Variants in COMMD1 observed in about 807,000 individuals in gnomAD.
The protein encoded by COMMD1 is COMM domain-containing protein 1.
Under a neutral mutation model 17.2 loss-of-function variants are expected in COMMD1, and 10 were observed. The observed-to-expected ratio is 0.58, with a 90% CI of 0.36 to 0.99. COMMD1 has a LOEUF of 0.99. Among genes scored for constraint, COMMD1 ranks in the 50% least tolerant of loss-of-function variants. COMMD1 has a pLI of 0.01. For synonymous variants in COMMD1, 97 were observed against 91.6 expected (o/e 1.06, Z -0.34); for missense variants, 270 against 231.8 (o/e 1.17, Z -1.07).
upstream of COMMD1, chr2:61,905,571 A>G (rs1669747628): frequency 1.7e-6 from 2 of 1,151,524 alleles, no homozygotes; most frequent in Non-Finnish European, 2.4e-6. Flanking sequence ...CCTTGCCTCC[A>G]GGTTCCCCGA....
intron 2 of COMMD1, chr2:62,069,869 G>A (rs924102825): frequency 6.6e-6 from 1 of 152,206 alleles, no homozygotes; most frequent in African/African-American, 2.4e-5. Context: ...TCTTGAGATT[G>A]AAAATCTTTC....
intron 2 of COMMD1, chr2:62,055,556 C>G: frequency 2.4e-6 from 1 of 424,694 alleles, no homozygotes. Context: ...ACCAAGCACC[C>G]TGCATTAAAA....
chr2:62,038,086 C>G (rs1319855717), intron 2 of COMMD1, among the ~76,000 whole-genome samples: 1 of 152,070 alleles, frequency 6.6e-6, no homozygotes, highest in Non-Finnish European at 1.5e-5. Context: ...GTTAGGAGTT[C>G]AAGACCAGCC....
At chr2:61,953,868 C>T (rs1671122696) in intron 1 of COMMD1, among the ~76,000 whole-genome samples, 1 of 151,914 alleles carries the variant, frequency 6.6e-6, no homozygotes, top group Non-Finnish European at 1.5e-5. Flanking sequence ...GTAGGTGTAT[C>T]ATTATAGTTT....
chr2:62,015,854 CAA>C (rs1313805336), intron 2 of COMMD1, among the ~76,000 whole-genome samples: 8 of 151,652 alleles, frequency 5.3e-5, no homozygotes, highest in Admixed American at 4.6e-4. Flanking sequence ...TTTTTTGAGA[CAA>C]GAGTCTTGCT....
chr2:62,000,270 A>ATTT (rs370727672), intron 1 of COMMD1, among the ~76,000 whole-genome samples: 2 of 127,328 alleles, frequency 1.6e-5, no homozygotes, highest in East Asian at 2.2e-4. Flanking sequence ...ATTTCAGTGA[A>ATTT]TTTTTTTTTT....
chr2:61,960,528 G>A (rs1297723929), intron 1 of COMMD1, among the ~76,000 whole-genome samples: 1 of 152,184 alleles, frequency 6.6e-6, no homozygotes, highest in Non-Finnish European at 1.5e-5. Flanking sequence ...ACTAATGTCA[G>A]AATTTTTAGC....
intron 2 of COMMD1, among the ~76,000 whole-genome samples, chr2:62,076,072 G>C (rs958683627): frequency 3.3e-5 from 5 of 152,218 alleles, no homozygotes; most frequent in African/African-American, 1.2e-4. Flanking sequence ...GGCTGCATTT[G>C]GGAGCTTTGC....
intron 1 of COMMD1, among the ~76,000 whole-genome samples, chr2:61,992,726 C>T (rs1672282974): frequency 6.6e-6 from 1 of 152,184 alleles, no homozygotes; most frequent in Non-Finnish European, 1.5e-5. Flanking sequence ...GTAGCCTCCA[C>T]CATTTCTCAG....
At chr2:61,896,924 G>A (rs889673608) in intron 1 of COMMD1, among the ~76,000 whole-genome samples, 1 of 150,794 alleles carries the variant, frequency 6.6e-6, no homozygotes, top group Non-Finnish European at 1.5e-5. Flanking sequence ...CCGCCTCCCA[G>A]GTTCAAGTGA....
At chr2:62,072,228 A>G (rs1671216573) in intron 2 of COMMD1, among the ~76,000 whole-genome samples, 1 of 152,106 alleles carries the variant, frequency 6.6e-6, no homozygotes, top group Admixed American at 6.6e-5. Flanking sequence ...CAACCTTCAA[A>G]CCAAAGACAA....
chr2:62,062,590 A>G (rs974849847), intron 2 of COMMD1, among the ~76,000 whole-genome samples: 5 of 152,160 alleles, frequency 3.3e-5, no homozygotes, highest in Admixed American at 2.6e-4. Context: ...TGCCTAATAA[A>G]TAACTTATTA....
intron 2 of COMMD1, among the ~76,000 whole-genome samples, chr2:62,047,941 G>A (rs1050837564): frequency 2.0e-5 from 3 of 152,102 alleles, no homozygotes; most frequent in African/African-American, 7.2e-5. Flanking sequence ...AGGAGCAATA[G>A]GCCATACCAT....
intron 2 of COMMD1, among the ~76,000 whole-genome samples, chr2:62,061,332 T>A (rs772292472): frequency 6.6e-6 from 1 of 152,148 alleles, no homozygotes; most frequent in African/African-American, 2.4e-5. Flanking sequence ...CTGAGAAATG[T>A]TGATTTTTTT....
chr2:62,078,135 C>T (rs1444717231), intron 2 of COMMD1, among the ~76,000 whole-genome samples: 6 of 139,538 alleles, frequency 4.3e-5, no homozygotes, highest in African/African-American at 1.6e-4. Flanking sequence ...ATTAGCTGGG[C>T]GTGGTGGCAG....
intron 1 of COMMD1, among the ~76,000 whole-genome samples, chr2:61,921,559 T>A (rs978785968): frequency 2.0e-5 from 3 of 152,214 alleles, no homozygotes; most frequent in Non-Finnish European, 4.4e-5. Context: ...TTCTCCTGCC[T>A]CAGCCTCCCG....
At chr2:62,090,897 A>G (rs1264281664) in intron 2 of COMMD1, 1 of 152,218 alleles carries the variant, frequency 6.6e-6, no homozygotes, top group Non-Finnish European at 1.5e-5. Flanking sequence ...AATAGTCCCA[A>G]TGCCTGCCAG....
intron 1 of COMMD1, among the ~76,000 whole-genome samples, chr2:61,929,524 A>G (rs942456109): frequency 6.6e-5 from 10 of 152,150 alleles, no homozygotes; most frequent in African/African-American, 2.4e-4. Flanking sequence ...CTTTTGCCCT[A>G]TCATATTTCT....
chr2:62,086,311 A>C (rs1021866252), intron 2 of COMMD1, among the ~76,000 whole-genome samples: 45 of 152,058 alleles, frequency 3.0e-4, no homozygotes, highest in Non-Finnish European at 5.2e-4. Context: ...AGATGGAGAC[A>C]ATCCTGGCTA....
Sources: allele counts gnomAD v4.1 joint callset (sites outside exome capture counted in the v4.1 genomes callset), GRCh38; gene constraint gnomAD v4.1.1; transcripts MANE v1.5; gene names NCBI Gene and HGNC (gene_info 2026-07-23, HGNC 2026-07-21).